RIMKLB: variants seen among roughly 807,000 people sequenced by gnomAD.
RIMKLB encodes beta-citrylglutamate synthase B.
Under a neutral mutation model 32.0 loss-of-function variants are expected in RIMKLB, and 7 were observed. The ratio of observed to expected loss-of-function variants is 0.22; its 90% CI spans 0.12 to 0.41. RIMKLB has a LOEUF of 0.41. RIMKLB is among the 10% of genes least tolerant of loss of function. The pLI is 1.00. For missense variants in RIMKLB, 289 were observed against 498.7 expected, an observed-to-expected ratio of 0.58 and a Z score of 4.00; for synonymous variants, 172 against 185.1, an observed-to-expected ratio of 0.93 and a Z score of 0.57.
Position 8,741,572 on chromosome 12 carries a change from G to A in RIMKLB, c.176-8290G>A, listed in dbSNP as rs774692137. Among the ~76,000 whole-genome samples, 6 of 151,736 alleles carry A rather than the reference G, an allele frequency of 4.0e-5. No individual in the cohort carries two copies. The South Asian group carries it at 1.2e-3, about 31-fold the overall frequency. ...AGGCGGGTGGATCACGGGGTCAGGAGATCGAGACCAGCCTGGCTAACATGG... is the reference window on the plus strand; with the variant it reads ...AGGCGGGTGGATCACGGGGTCAGGAAATCGAGACCAGCCTGGCTAACATGG... On this transcript the variant is annotated intron_variant, in intron 2 of 5. Transcript: ENST00000535829.
intron 2 of RIMKLB, chr12:8,742,723 T>A (rs1403565277): frequency 4.5e-6 from 1 of 224,602 alleles, no homozygotes; most frequent in Non-Finnish European, 8.8e-6. Flanking sequence ...CTGGAGCCAC[T>A]CCTGTTGCTG....
rs55670138 is a variant in RIMKLB, at chr12:8,757,470, CAA to C, written c.697+3395_697+3396del. ...TAGGTGACACAGCAAGACCCTGTCT[CAA>C]AAAAAAAAAAAAAAAAAGTTGTTTT... On this transcript the variant is annotated intron_variant, in intron 5 of 5. Coordinates refer to ENST00000535829, the MANE Select transcript of RIMKLB (RefSeq NM_001297776.2). 7.7e-4 allele frequency among the ~76,000 whole-genome samples: 55 copies of C among 71,336 alleles called. 1 individual carries two copies. Among genetic ancestry groups the C allele is most frequent in the Non-Finnish European group, 6.2e-4 (21 of 33,630 alleles). 46.8% of individuals were successfully genotyped at this position (71,336 alleles called of 152,430 possible). A position where few individuals can be genotyped will look rare whatever the true frequency, so the allele number is the denominator to read the frequency against.
chr12:8,757,470 C>CAAAAAAAAAAAAAAAAAAAAAA (rs55670138), intron 5 of RIMKLB, among the ~76,000 whole-genome samples: 15 of 71,408 alleles, frequency 2.1e-4, no homozygotes, highest in African/African-American at 7.4e-4. Context: ...GACCCTGTCT[C>CAAAAAAAAAAAAAAAAAAAAAA]AAAAAAAAAA....
At chr12:8,690,831 G>T (rs1159627737) in intron 1 of RIMKLB, among the ~76,000 whole-genome samples, 1 of 152,146 alleles carries the variant, frequency 6.6e-6, no homozygotes, top group Non-Finnish European at 1.5e-5. Context: ...GCTGAGGCAG[G>T]AGAATCACTT....
At chr12:8,732,783 T>A (rs74059990) in intron 2 of RIMKLB, among the ~76,000 whole-genome samples, 8,106 of 150,260 alleles carry the variant, frequency 0.054, 567 homozygotes, top group African/African-American at 0.17. Flanking sequence ...ACACACACAC[T>A]CTCTTTAATT....
intron 1 of RIMKLB, among the ~76,000 whole-genome samples, chr12:8,706,090 T>TGG (rs2136805677): frequency 6.6e-6 from 1 of 152,252 alleles, no homozygotes; most frequent in East Asian, 1.9e-4. Flanking sequence ...ATGATCACAA[T>TGG]GGGGAATATA....
chr12:8,701,427 G>GT (rs998354064), intron 1 of RIMKLB, among the ~76,000 whole-genome samples: 70 of 147,888 alleles, frequency 4.7e-4, no homozygotes, highest in African/African-American at 1.2e-3. Flanking sequence ...CTTTTTCAGT[G>GT]TTTTTTTTTT....
At chr12:8,752,070 A>G in intron 4 of RIMKLB, 27 bp downstream of exon 4, 4 of 1,421,160 alleles carry the variant, frequency 2.8e-6, no homozygotes, top group Non-Finnish European at 3.0e-6. Flanking sequence ...GGTAAGGTAT[A>G]TAGTTTTGAA....
At chr12:8,751,678 TA>T (rs1246514479) in intron 3 of RIMKLB, among the ~76,000 whole-genome samples, 1 of 152,148 alleles carries the variant, frequency 6.6e-6, no homozygotes, top group African/African-American at 2.4e-5. Context: ...ATAATAAGGA[TA>T]AAAACATGAG....
rs1950756794 is a variant in RIMKLB at position 8,776,854 on chromosome 12, A to C, written c.*3070A>C. On this transcript the variant is annotated 3_prime_UTR_variant, in exon 6 of 6. Coordinates refer to ENST00000535829, the MANE Select transcript of RIMKLB (RefSeq NM_001297776.2). ...CAGACTTTGAGAACATATTGAAGGC[A>C]TTGACTTTGAAAATCATCTCTTTTT... 1.0e-6 allele frequency: 1 copy of C among 985,860 alleles called. No individual in the cohort carries two copies. The highest frequency in any genetic ancestry group is 1.7e-5 in the African/African-American group (1 of 57,354). 61.1% of individuals were successfully genotyped at this position (985,860 alleles called of 1,614,324 possible).
intron 2 of RIMKLB, among the ~76,000 whole-genome samples, chr12:8,728,968 C>T (rs1045974149): frequency 3.3e-5 from 5 of 152,116 alleles, no homozygotes; most frequent in African/African-American, 1.2e-4. Flanking sequence ...ACTCCACTCA[C>T]TTACTGCTCC....
At chr12:8,756,401 A>C (rs1949027706) in intron 5 of RIMKLB, among the ~76,000 whole-genome samples, 1 of 152,176 alleles carries the variant, frequency 6.6e-6, no homozygotes, top group African/African-American at 2.4e-5. Context: ...ATTCCTACTT[A>C]TCTCTCTGAG....
At chr12:8,717,910 A>G (rs1272958350) in intron 2 of RIMKLB, among the ~76,000 whole-genome samples, 1 of 152,116 alleles carries the variant, frequency 6.6e-6, no homozygotes, top group Non-Finnish European at 1.5e-5. Context: ...ATTCACCCCA[A>G]TATACGCCTA....
intron 4 of RIMKLB, among the ~76,000 whole-genome samples, chr12:8,752,571 T>C (rs1948700747): frequency 6.6e-6 from 1 of 151,992 alleles, no homozygotes; most frequent in South Asian, 2.1e-4. Flanking sequence ...AAAGAAACAA[T>C]AAGACCTTAG....
intron 1 of RIMKLB, among the ~76,000 whole-genome samples, chr12:8,701,006 C>A (rs1404615800): frequency 6.6e-6 from 1 of 151,838 alleles, no homozygotes; most frequent in African/African-American, 2.4e-5. Context: ...GTGGAGGTTG[C>A]GGTGAGCCGA....
At chr12:8,726,450 T>A (rs1946015875) in intron 2 of RIMKLB, among the ~76,000 whole-genome samples, 1 of 152,236 alleles carries the variant, frequency 6.6e-6, no homozygotes, top group African/African-American at 2.4e-5. Context: ...AACAATCTTT[T>A]GTCAGTTATA....
chr12:8,746,702 C>T (rs1394398562), intron 2 of RIMKLB, among the ~76,000 whole-genome samples: 1 of 152,044 alleles, frequency 6.6e-6, no homozygotes, highest in Non-Finnish European at 1.5e-5. Flanking sequence ...CTGATGACCA[C>T]ATACCTACCC....
intron 5 of RIMKLB, among the ~76,000 whole-genome samples, chr12:8,767,617 T>A (rs1950075875): frequency 6.6e-6 from 1 of 152,122 alleles, no homozygotes; most frequent in Non-Finnish European, 1.5e-5. Flanking sequence ...ATCTGTTGAG[T>A]AGAGACTTCT....
upstream of RIMKLB, chr12:8,697,121 CTT>C (rs949513836): frequency 1.2e-4 from 18 of 152,198 alleles, no homozygotes; most frequent in African/African-American, 4.1e-4. Flanking sequence ...GGACTGTACT[CTT>C]TTATCTTTTC....
Sources: allele counts gnomAD v4.1 joint callset (sites outside exome capture counted in the v4.1 genomes callset), GRCh38; gene constraint gnomAD v4.1.1; transcripts MANE v1.5; gene names NCBI Gene and HGNC (gene_info 2026-07-23, HGNC 2026-07-21).